BCAS1: variants seen among roughly 807,000 people sequenced by gnomAD.
BCAS1 encodes breast carcinoma-amplified sequence 1.
A neutral mutation model predicts 65.4 loss-of-function variants in BCAS1; 46 were observed. That is an observed-to-expected ratio of 0.70 (90% CI 0.55 to 0.90). BCAS1 has a LOEUF of 0.90. Ranked by LOEUF, BCAS1 falls within the 40% of genes least tolerant of loss-of-function variation. The pLI, the probability that BCAS1 is intolerant of heterozygous loss-of-function variation, is 0.00. For missense variants in BCAS1, 793 were observed against 771.2 expected (o/e 1.03, Z -0.33); for synonymous variants, 298 against 293.5 (o/e 1.02, Z -0.16).
intron 1 of BCAS1, among the ~76,000 whole-genome samples, chr20:54,066,229 C>T (rs1318863675): frequency 9.9e-5 from 15 of 152,164 alleles, no homozygotes; most frequent in African/African-American, 3.4e-4. Flanking sequence ...CCTGCCACCA[C>T]GCCCGGCTAA....
chr20:54,059,793 A>G (rs1359126307), intron 1 of BCAS1, among the ~76,000 whole-genome samples: 3 of 152,242 alleles, frequency 2.0e-5, no homozygotes, highest in African/African-American at 7.2e-5. Context: ...ACCTAAACAT[A>G]TCGAAACAGA....
chr20:54,021,067 A>G (rs2146034310), intron 4 of BCAS1, among the ~76,000 whole-genome samples: 1 of 152,286 alleles, frequency 6.6e-6, no homozygotes, highest in South Asian at 2.1e-4. Context: ...TAGAGAAGAT[A>G]AATCTGGTTT....
chr20:54,053,791 G>A (rs753633627), intron 3 of BCAS1, among the ~76,000 whole-genome samples: 2 of 152,172 alleles, frequency 1.3e-5, no homozygotes, highest in African/African-American at 4.8e-5. Flanking sequence ...CTCACATATT[G>A]GAGCCATGAT....
At chr20:53,972,480 C>A (rs1206871080) in intron 9 of BCAS1, among the ~76,000 whole-genome samples, 1 of 152,214 alleles carries the variant, frequency 6.6e-6, no homozygotes, top group Non-Finnish European at 1.5e-5. Context: ...CCCTGCCAAT[C>A]AGTGTTTCTG....
In BCAS1 at chr20:54,058,593, C is replaced by CTTTTTTTTTTT. The variant is rs3043223; in HGVS notation, c.72+43_72+53dup. On this transcript the variant is annotated intron_variant, in intron 2 of 12. Transcript: ENST00000688948. ...ACACACTTGTCAAATACAGGAAGTT[C>CTTTTTTTTTTT]TTTTTTTTTTTTTTTTTTTTCTGCT... The CTTTTTTTTTTT allele has an allele frequency of 4.1e-5, 50 of 1,224,756 alleles. 1 individual carries two copies. Among genetic ancestry groups the CTTTTTTTTTTT allele is most frequent in the South Asian group, 2.3e-4 (15 of 64,794 alleles). The allele number at this position is 1,224,756 out of a possible 1,614,324, so 75.9% of individuals were successfully genotyped here.
chr20:53,949,652 A>G (rs1024720192), intron 12 of BCAS1, among the ~76,000 whole-genome samples: 4 of 152,148 alleles, frequency 2.6e-5, no homozygotes, highest in Admixed American at 2.6e-4. Flanking sequence ...GTCCTCCATC[A>G]TTGCTGGAGG....
chr20:54,061,341 G>A lies in BCAS1; in HGVS notation c.-5-2618C>T, dbSNP rs553104880. Among the ~76,000 whole-genome samples the A allele has an allele frequency of 3.9e-5, 6 of 152,270 alleles. No individual in the cohort carries two copies. The East Asian group carries it at 1.2e-3, about 29-fold the overall frequency. On this transcript the variant is annotated intron_variant, in intron 1 of 12. Coordinates refer to ENST00000688948, the MANE Select transcript of BCAS1 (RefSeq NM_001366298.2). ...ACATCCAGTGAGGAATTGACTCCTAGTATATCTGATCCCTACACAAGGACT... is the reference window on the plus strand; with the variant it reads ...ACATCCAGTGAGGAATTGACTCCTAATATATCTGATCCCTACACAAGGACT...
At chr20:54,052,957 A>C (rs2092242746) in intron 3 of BCAS1, among the ~76,000 whole-genome samples, 2 of 152,238 alleles carry the variant, frequency 1.3e-5, no homozygotes, top group African/African-American at 4.8e-5. Flanking sequence ...TTTTGGGTTC[A>C]AATAAAACAA....
intron 11 of BCAS1, among the ~76,000 whole-genome samples, chr20:53,956,922 C>T (rs2089717990): frequency 6.6e-6 from 1 of 152,202 alleles, no homozygotes; most frequent in Admixed American, 6.6e-5. Context: ...GTGTGACCCC[C>T]CGACTCCATG....
At chr20:54,070,186 A>G (rs1404988785) in intron 1 of BCAS1, among the ~76,000 whole-genome samples, 2 of 152,190 alleles carry the variant, frequency 1.3e-5, no homozygotes, top group Admixed American at 1.3e-4. Context: ...TTATGTGGCT[A>G]TGCGCCTAAC....
chr20:54,046,432 G>C (rs572573943), intron 3 of BCAS1, among the ~76,000 whole-genome samples: 1 of 151,112 alleles, frequency 6.6e-6, no homozygotes, highest in South Asian at 2.1e-4. Context: ...GGGAGGCTGA[G>C]GCAGGAGAAT....
At chr20:53,984,225 C>T (rs936254348) in intron 8 of BCAS1, among the ~76,000 whole-genome samples, 4 of 152,122 alleles carry the variant, frequency 2.6e-5, no homozygotes, top group Non-Finnish European at 5.9e-5. Flanking sequence ...ACACATATAC[C>T]TCACTTGGAA....
chr20:54,043,672 G>A (rs1171761969), intron 3 of BCAS1, among the ~76,000 whole-genome samples: 2 of 152,100 alleles, frequency 1.3e-5, no homozygotes, highest in Admixed American at 6.5e-5. Flanking sequence ...AAGAATACCC[G>A]GGAGGGGTTG....
chr20:53,983,536 T>C (rs553288117), intron 8 of BCAS1, among the ~76,000 whole-genome samples: 118 of 152,334 alleles, frequency 7.7e-4, no homozygotes, highest in African/African-American at 2.7e-3. Context: ...ACACCACCTA[T>C]GTGGTTTTTA....
intron 1 of BCAS1, among the ~76,000 whole-genome samples, chr20:54,060,906 A>G (rs946223541): frequency 5.9e-5 from 9 of 152,228 alleles, no homozygotes; most frequent in African/African-American, 2.2e-4. Flanking sequence ...GGAGGGAATA[A>G]CGATTGATAG....
chr20:53,957,759 A>T (rs1484021511), intron 10 of BCAS1, among the ~76,000 whole-genome samples: 1 of 152,262 alleles, frequency 6.6e-6, no homozygotes, highest in Admixed American at 6.5e-5. Context: ...TCTGAGATAA[A>T]TGATGACGGT....
At chr20:53,975,342 G>A in intron 9 of BCAS1, 47 bp downstream of exon 9, 1 of 1,569,338 alleles carries the variant, frequency 6.4e-7, no homozygotes, top group Non-Finnish European at 8.8e-7. Context: ...GTACAACATG[G>A]CGGAAGATGA....
At chr20:53,971,595 A>T (rs148533153) in intron 9 of BCAS1, among the ~76,000 whole-genome samples, 2 of 152,318 alleles carry the variant, frequency 1.3e-5, no homozygotes, top group African/African-American at 4.8e-5. Context: ...GGACTGAGTG[A>T]TGTGATGTTG....
chr20:53,956,233 C>A (rs1004829152), intron 11 of BCAS1, among the ~76,000 whole-genome samples: 7 of 152,146 alleles, frequency 4.6e-5, no homozygotes, highest in Non-Finnish European at 1.0e-4. Context: ...GGGGCCCTGC[C>A]CCAATAGGAT....
Sources: gnomAD v4.1 joint callset for allele counts (sites outside exome capture counted in the v4.1 genomes callset) on GRCh38, gnomAD v4.1.1 for gene constraint, MANE v1.5 for transcripts, NCBI Gene and HGNC (gene_info 2026-07-23, HGNC 2026-07-21) for gene names.